Variants in LDAH observed in about 807,000 individuals in gnomAD.
LDAH encodes lipid droplet associated hydrolase.
A neutral mutation model predicts 29.6 loss-of-function variants in LDAH; 26 were observed. The observed-to-expected ratio is 0.88, with a 90% CI of 0.64 to 1.22. The LOEUF is 1.22. LDAH is among the 50% of genes most tolerant of loss of function. The pLI, the probability that LDAH is intolerant of heterozygous loss-of-function variation, is 0.00. For missense variants in LDAH, 344 were observed against 387.3 expected, an observed-to-expected ratio of 0.89 and a Z score of 0.94; for synonymous variants, 117 against 133.0, an observed-to-expected ratio of 0.88 and a Z score of 0.83.
intron 5 of LDAH, among the ~76,000 whole-genome samples, chr2:20,723,340 G>T (rs997192162): frequency 1.3e-5 from 2 of 152,082 alleles, no homozygotes; most frequent in African/African-American, 2.4e-5. Context: ...AAGCATAAGG[G>T]GGTCTTCTGA....
intron 3 of LDAH, among the ~76,000 whole-genome samples, chr2:20,789,920 C>T (rs956447769): frequency 1.3e-5 from 2 of 152,160 alleles, no homozygotes; most frequent in Non-Finnish European, 2.9e-5. Flanking sequence ...AAACTGGTTC[C>T]CAGAGGCCAA....
intron 5 of LDAH, among the ~76,000 whole-genome samples, chr2:20,724,291 G>GT (rs573484023): frequency 6.6e-4 from 100 of 152,264 alleles, no homozygotes; most frequent in African/African-American, 2.3e-3. Flanking sequence ...TTCATACCTT[G>GT]TATCTGATTT....
chr2:20,727,967 T>C (rs1191964342), intron 5 of LDAH, among the ~76,000 whole-genome samples: 2 of 152,212 alleles, frequency 1.3e-5, no homozygotes, highest in African/African-American at 4.8e-5. Context: ...AGAACGCTAA[T>C]GCCCCAGAAC....
chr2:20,724,904 T>C (rs1314364833), intron 5 of LDAH, among the ~76,000 whole-genome samples: 1 of 152,172 alleles, frequency 6.6e-6, no homozygotes, highest in Non-Finnish European at 1.5e-5. Flanking sequence ...TTGCCATTAT[T>C]GAGGAGAGGG....
intron 5 of LDAH, among the ~76,000 whole-genome samples, chr2:20,706,786 C>T (rs1368888582): frequency 6.6e-6 from 1 of 151,956 alleles, no homozygotes; most frequent in Non-Finnish European, 1.5e-5. Flanking sequence ...ACAGCAATCC[C>T]TGAGAAAAGA....
chr2:20,717,155 T>C (rs1665273816), intron 5 of LDAH, among the ~76,000 whole-genome samples: 1 of 152,212 alleles, frequency 6.6e-6, no homozygotes, highest in Admixed American at 6.5e-5. Context: ...ATTAAATTTC[T>C]AGAAGATAAC....
chr2:20,770,638 A>T (rs1669348832), intron 4 of LDAH, among the ~76,000 whole-genome samples: 1 of 152,196 alleles, frequency 6.6e-6, no homozygotes. Context: ...CACAATCCTG[A>T]AATTGCTAGA....
At chr2:20,695,444 G>C (rs1572411129) in intron 6 of LDAH, among the ~76,000 whole-genome samples, 1 of 151,344 alleles carries the variant, frequency 6.6e-6, no homozygotes, top group Admixed American at 6.6e-5. Flanking sequence ...GTGCATTCCA[G>C]ACACTCTTTC....
intron 6 of LDAH, 137 bp downstream of exon 6, chr2:20,701,433 T>C (rs1180410166): frequency 1.5e-6 from 1 of 681,964 alleles, no homozygotes; most frequent in Non-Finnish European, 2.5e-6. Context: ...ATAATTTCAA[T>C]TTTAACTGGA....
At position 20,686,661 on chromosome 2, in the gene LDAH, ACT is replaced by A. The variant is rs1178786607; in HGVS notation, c.*240_*241del. On this transcript the variant is annotated 3_prime_UTR_variant, in exon 7 of 7. Transcript: ENST00000237822. Reference sequence around the variant, plus strand: ...ACTGGGCATCTTGTGCAAACACAAGACTCTGTGTAGATCACTGTGTTCCCTGA... The same window carrying A: ...ACTGGGCATCTTGTGCAAACACAAGACTGTGTAGATCACTGTGTTCCCTGA... 2 of 343,726 alleles carry A rather than the reference ACT, an allele frequency of 5.8e-6. No individual in the cohort carries two copies. The highest frequency in any genetic ancestry group is 5.1e-5 in the East Asian group (1 of 19,542). 21.3% of individuals were successfully genotyped at this position (343,726 alleles called of 1,614,324 possible). A position where few individuals can be genotyped will look rare whatever the true frequency, so the allele number is the denominator to read the frequency against.
intron 6 of LDAH, among the ~76,000 whole-genome samples, chr2:20,693,897 G>A (rs184689601): frequency 3.2e-4 from 49 of 152,386 alleles, no homozygotes; most frequent in African/African-American, 1.1e-3. Flanking sequence ...GCCAGCACTA[G>A]AGACAGTGAC....
intron 4 of LDAH, among the ~76,000 whole-genome samples, chr2:20,744,517 CAGA>C (rs1667436551): frequency 1.3e-5 from 2 of 152,074 alleles, no homozygotes; most frequent in South Asian, 4.1e-4. Flanking sequence ...TTCTCTGATG[CAGA>C]AGGTTAGAGC....
At chr2:20,683,005 T>C (rs1662358527), downstream of LDAH, among the ~76,000 whole-genome samples, 1 of 151,832 alleles carries the variant, frequency 6.6e-6, no homozygotes, top group South Asian at 2.1e-4. Context: ...CCTGCCCTTC[T>C]AGGACTAGGG....
chr2:20,810,675 G>A (rs1283312148), intron 1 of LDAH, among the ~76,000 whole-genome samples: 5 of 152,172 alleles, frequency 3.3e-5, no homozygotes, highest in East Asian at 3.9e-4. Context: ...ATGCTTTAGA[G>A]GGGGACATAG....
chr2:20,787,137 T>C (rs984050405), intron 3 of LDAH, among the ~76,000 whole-genome samples: 9 of 152,220 alleles, frequency 5.9e-5, no homozygotes, highest in East Asian at 1.9e-4. Context: ...TCTACACTTA[T>C]GTAGTGTATT....
intron 4 of LDAH, among the ~76,000 whole-genome samples, chr2:20,773,862 C>A (rs970857216): frequency 6.6e-6 from 1 of 152,104 alleles, no homozygotes; most frequent in African/African-American, 2.4e-5. Flanking sequence ...AGCCATGAAG[C>A]GATCACGTCC....
At chr2:20,695,446 C>T (rs555782192) in intron 6 of LDAH, among the ~76,000 whole-genome samples, 1 of 151,514 alleles carries the variant, frequency 6.6e-6, no homozygotes, top group African/African-American at 2.4e-5. Context: ...GCATTCCAGA[C>T]ACTCTTTCTT....
At chr2:20,714,536 C>T (rs1314599777) in intron 5 of LDAH, among the ~76,000 whole-genome samples, 1 of 152,046 alleles carries the variant, frequency 6.6e-6, no homozygotes, top group Non-Finnish European at 1.5e-5. Flanking sequence ...AAGATCAGAG[C>T]AGAACTGAAA....
intron 5 of LDAH, among the ~76,000 whole-genome samples, chr2:20,722,813 T>C (rs1665754346): frequency 1.3e-5 from 2 of 152,118 alleles, no homozygotes; most frequent in African/African-American, 4.8e-5. Context: ...TTGACCCAAA[T>C]TACAAAACAT....
Sources: allele counts gnomAD v4.1 joint callset (sites outside exome capture counted in the v4.1 genomes callset), GRCh38; gene constraint gnomAD v4.1.1; transcripts MANE v1.5; gene names NCBI Gene and HGNC (gene_info 2026-07-23, HGNC 2026-07-21).